Variants in FAAH observed in about 807,000 individuals in gnomAD.
FAAH encodes the protein fatty acid amide hydrolase.
FAAH carries 63 observed loss-of-function variants against 69.7 expected under a neutral mutation model. The observed-to-expected ratio is 0.90, with a 90% CI of 0.74 to 1.12. The LOEUF is 1.12. FAAH is among the 50% of genes most tolerant of loss of function. The probability of loss-of-function intolerance (pLI) is 0.00; values close to 1 mark genes in which losing one functional copy is unlikely to be tolerated. For synonymous variants in FAAH, 305 were observed against 324.2 expected, an observed-to-expected ratio of 0.94 and a Z score of 0.64; for missense variants, 680 against 755.0, an observed-to-expected ratio of 0.90 and a Z score of 1.16.
In FAAH at chr1:46,394,325, A is replaced by G. The variant is rs1316390015; in HGVS notation, c.-24A>G. 6.5e-7 allele frequency: 1 copy of G among 1,544,590 alleles called. No homozygotes were observed. Among genetic ancestry groups the G allele is most frequent in the African/African-American group, 1.4e-5 (1 of 70,698 alleles). On this transcript the variant is annotated 5_prime_UTR_variant, in exon 1 of 15. Transcript: ENST00000243167. ...GTGCGGCGGCTTCAACTGTCGCGGT[A>G]GGCAGCAGCAGGCTGAAGGGATCAT...
Position 46,405,783 on chromosome 1 carries a change from G to A in FAAH, c.774G>A (p.Gly258=). The change falls in exon 5 of 15, where the codon GGG becomes GGA. Residue 258 remains glycine (G), a synonymous_variant. Transcript: ENST00000243167. This position sits in a 1 kb window ranked among gnomAD's most constrained non-coding sequence, Gnocchi z 4.1. The part of the protein sequence containing the change: ...FCGICGLKPT[G]NRLSKSGLKG... ...GCATCTGCGGCCTCAAGCCCACAGG[G>A]AACCGCCTCAGGTAAGGTGGGTGGA... 6.2e-7 allele frequency: 1 copy of A among 1,613,394 alleles called. No homozygotes were observed. The highest frequency in any genetic ancestry group is 8.5e-7 in the Non-Finnish European group (1 of 1,180,004).
Position 46,410,192 on chromosome 1 carries a change from G to A in FAAH, c.1176-206G>A. The A allele has an allele frequency of 1.6e-6, 1 of 630,692 alleles. No homozygotes were observed. The highest frequency in any genetic ancestry group is 2.9e-6 in the Non-Finnish European group (1 of 342,638). The allele number at this position is 630,692 out of a possible 1,614,324, so 39.1% of individuals were successfully genotyped here. ...GAGGGATACCCTGAGTCCTGCCTTG[G>A]GGAGCTCCCGTGGATGTGGGTTGCA... On this transcript the variant is annotated intron_variant, in intron 9 of 14. Transcript: ENST00000243167. The surrounding 1 kb of genome is among the most constrained non-coding windows in gnomAD (Gnocchi z 4.9).
rs2148451446 is a variant in FAAH at position 46,408,508 on chromosome 1, A to G, written c.1001A>G (p.Asn334Ser). The G allele has an allele frequency of 1.2e-6, 2 of 1,614,100 alleles. No individual in the cohort carries two copies. The highest frequency in any genetic ancestry group is 8.5e-7 in the Non-Finnish European group (1 of 1,180,004). The change falls in exon 8 of 15, where the codon AAC becomes AGC. Residue 334 changes from asparagine (N) to serine (S), a missense_variant. Transcript: ENST00000243167. The part of the protein sequence containing the change: ...PLRVGYYETD[N>S]YTMPSPAMRR... Reference sequence around the variant, plus strand: ...CGTGTGGGGTACTATGAGACTGACAACTATACCATGCCCTCCCCGGCCATG... The same window carrying G: ...CGTGTGGGGTACTATGAGACTGACAGCTATACCATGCCCTCCCCGGCCATG...
Position 46,413,431 on chromosome 1 carries a change from C to G in FAAH, c.1612-16C>G. 2 of 1,614,108 alleles carry G rather than the reference C, an allele frequency of 1.2e-6. No homozygotes were observed. The highest frequency in any genetic ancestry group is 1.7e-6 in the Non-Finnish European group (2 of 1,179,990). On this transcript the variant is annotated splice_polypyrimidine_tract_variant and intron_variant, in intron 14 of 14. Coordinates refer to ENST00000243167, the MANE Select transcript of FAAH (RefSeq NM_001441.3). ...CTGCCTTGCTAACCCTATCCTGATG[C>G]CTGTATCCCCTATAGGGCATGAAGA...
At chr1:46,397,707 G>A (rs555378607) in intron 1 of FAAH, among the ~76,000 whole-genome samples, 1 of 151,644 alleles carries the variant, frequency 6.6e-6, no homozygotes, top group African/African-American at 2.4e-5. Flanking sequence ...GATTACAGGC[G>A]CCTGCCACCA....
At position 46,404,910 on chromosome 1, in the gene FAAH, C is replaced by G. The variant is rs1664762573; in HGVS notation, c.310-104C>G. The G allele has an allele frequency of 6.6e-7, 1 of 1,517,514 alleles. No individual in the cohort carries two copies. Among genetic ancestry groups the G allele is most frequent in the Non-Finnish European group, 9.0e-7 (1 of 1,105,878 alleles). 94.0% of individuals were successfully genotyped at this position (1,517,514 alleles called of 1,614,324 possible). A position where few individuals can be genotyped will look rare whatever the true frequency, so the allele number is the denominator to read the frequency against. ...GGCCATGTTGCTGGTTACCCCTCTC[C>G]CTGGGTATACTTTAAAAGGCCAGTT... On this transcript the variant is annotated intron_variant, in intron 2 of 14. Coordinates refer to ENST00000243167, the MANE Select transcript of FAAH (RefSeq NM_001441.3). This position sits in a 1 kb window ranked among gnomAD's most constrained non-coding sequence, Gnocchi z 4.5.
chr1:46,408,467 C>T lies in FAAH; in HGVS notation c.960C>T (p.Thr320=), dbSNP rs201215483. The T allele has an allele frequency of 6.2e-7, 1 of 1,614,150 alleles. No homozygotes were observed. The highest frequency in any genetic ancestry group is 1.3e-5 in the African/African-American group (1 of 75,040). ...PPLPFREEVY[T]SSQPLRVGYY... ...CTGTGTTTTCCCTCCAGGTCTACAC[C>T]AGCTCTCAGCCCCTGCGTGTGGGGT... Residue 320 remains threonine, a synonymous_variant, in exon 8 of 15, where the codon ACC becomes ACT. Coordinates refer to ENST00000243167, the MANE Select transcript of FAAH (RefSeq NM_001441.3).
At chr1:46,406,500 T>C in intron 7 of FAAH, 132 bp downstream of exon 7, 1 of 1,244,622 alleles carries the variant, frequency 8.0e-7, no homozygotes, top group Non-Finnish European at 1.1e-6. Context: ...GGCGGGTTGC[T>C]CCTCCACAGA....
chr1:46,406,357 T>C lies in FAAH; in HGVS notation c.940T>C (p.Phe314Leu), dbSNP rs553209623. The change falls in exon 7 of 15, where the codon TTC becomes CTC. Residue 314 changes from phenylalanine to leucine, a missense_variant. Transcript: ENST00000243167. The stretch of plus-strand genomic sequence containing the variant: ...GGACCCCACTGTGCCTCCCTTGCCC[T>C]TCAGAGAAGAGGTGAGCAGGGCTGG... The part of the protein sequence containing the change: ...RLDPTVPPLP[F>L]REEVYTSSQP... 6.2e-7 allele frequency: 1 copy of C among 1,614,024 alleles called. No homozygotes were observed. Among genetic ancestry groups the C allele is most frequent in the South Asian group, 1.1e-5 (1 of 91,086 alleles).
Position 46,405,873 on chromosome 1 carries a change from G to C in FAAH, c.785+79G>C. ...CTTCCAACCTCTCTGGGCTCCAGGC[G>C]GGGATTCGGTCTCCGGGGTTTTGCT... On this transcript the variant is annotated intron_variant, in intron 5 of 14. Coordinates refer to ENST00000243167, the MANE Select transcript of FAAH (RefSeq NM_001441.3). This position sits in a 1 kb window ranked among gnomAD's most constrained non-coding sequence, Gnocchi z 4.1. 6.2e-7 allele frequency: 1 copy of C among 1,605,394 alleles called. No homozygotes were observed. The highest frequency in any genetic ancestry group is 1.3e-5 in the African/African-American group (1 of 74,828).
intron 7 of FAAH, among the ~76,000 whole-genome samples, chr1:46,407,161 G>T (rs1664815337): frequency 6.6e-6 from 1 of 152,040 alleles, no homozygotes; most frequent in African/African-American, 2.4e-5. Flanking sequence ...ACAGCAGCCT[G>T]TTGCTGAGAC....
At chr1:46,401,997 A>G (rs1664710633) in intron 1 of FAAH, 94 bp from the exon 2 acceptor site, 3 of 1,046,108 alleles carry the variant, frequency 2.9e-6, no homozygotes, top group Admixed American at 2.0e-5. Context: ...AGGCTGGGCC[A>G]TGTCAGAGCT....
chr1:46,401,339 C>G (rs1054734910), intron 1 of FAAH, among the ~76,000 whole-genome samples: 9 of 152,092 alleles, frequency 5.9e-5, no homozygotes, highest in African/African-American at 1.7e-4. Flanking sequence ...TTCAGATAGG[C>G]AGCCTTTAAG....
At position 46,410,928 on chromosome 1, in the gene FAAH, C is replaced by T; in HGVS notation, c.1316+74C>T. ...GAGTCTGGGTCTGGGTAGTTTCTGA[C>T]AGGAAAGGACTTGAGGGAAGTAGCC... On this transcript the variant is annotated intron_variant, in intron 11 of 14. Coordinates refer to ENST00000243167, the MANE Select transcript of FAAH (RefSeq NM_001441.3). The surrounding 1 kb of genome is among the most constrained non-coding windows in gnomAD (Gnocchi z 4.9). 6.3e-7 allele frequency: 1 copy of T among 1,587,122 alleles called. No individual in the cohort carries two copies. The highest frequency in any genetic ancestry group is 8.7e-7 in the Non-Finnish European group (1 of 1,155,610).
intron 2 of FAAH, among the ~76,000 whole-genome samples, chr1:46,403,497 T>A (rs1466710437): frequency 6.6e-6 from 1 of 152,232 alleles, no homozygotes; most frequent in East Asian, 1.9e-4. Flanking sequence ...AGCCTCCTGG[T>A]CAGGTGCCCT....
At position 46,405,345 on chromosome 1, in the gene FAAH, C is replaced by T. The variant is rs778930575; in HGVS notation, c.445-27C>T. On this transcript the variant is annotated intron_variant, in intron 3 of 14. Coordinates refer to ENST00000243167, the MANE Select transcript of FAAH (RefSeq NM_001441.3). The surrounding 1 kb of genome is among the most constrained non-coding windows in gnomAD (Gnocchi z 4.1). ...GCTGCCCACGGGCCCTGACTCACTC[C>T]CTTCTGGTGCCCATCCCTCCTCCCA... 3.1e-6 allele frequency: 5 copies of T among 1,607,532 alleles called. No individual in the cohort carries two copies. The highest frequency in any genetic ancestry group is 2.5e-6 in the Non-Finnish European group (3 of 1,179,954).
At chr1:46,413,418 C>A (rs774696084) in intron 14 of FAAH, 29 bp from the exon 15 acceptor site, 3 of 1,614,052 alleles carry the variant, frequency 1.9e-6, no homozygotes, top group South Asian at 1.1e-5. Context: ...GCCTTGCTAA[C>A]CCTATCCTGA....
In FAAH at chr1:46,402,206, T is replaced by TAAGGCCAGCC. The variant is rs1446400259; in HGVS notation, c.309+13_309+22dup. The TAAGGCCAGCC allele has an allele frequency of 6.3e-7, 1 of 1,585,984 alleles. No individual in the cohort carries two copies. The highest frequency in any genetic ancestry group is 1.4e-5 in the African/African-American group (1 of 71,930). On this transcript the variant is annotated splice_region_variant and intron_variant, in intron 2 of 14. Transcript: ENST00000243167. ...GTGCTCTTCACCTATGTGGGAAAGG[T>TAAGGCCAGCC]AAGGCCAGCCAAGGCCAGCCCCTCC...
chr1:46,407,031 G>A (rs45490594), intron 7 of FAAH, among the ~76,000 whole-genome samples: 4 of 151,820 alleles, frequency 2.6e-5, no homozygotes, highest in Admixed American at 2.0e-4. Flanking sequence ...TCCACATTTT[G>A]GGAGCAGCAC....
Sources: gnomAD v4.1 joint callset for allele counts (sites outside exome capture counted in the v4.1 genomes callset) on GRCh38, gnomAD v4.1.1 for gene constraint, Gnocchi (gnomAD v3.1) non-coding constraint, MANE v1.5 for transcripts, NCBI Gene and HGNC (gene_info 2026-07-23, HGNC 2026-07-21) for gene names.